The following GOT2 variants were observed in gnomAD, a reference collection of about 807,000 sequenced individuals.
GOT2 encodes the protein glutamic-oxaloacetic transaminase 2, also known as aspartate aminotransferase, mitochondrial.
A neutral mutation model predicts 50.0 loss-of-function variants in GOT2; 17 were observed. The observed-to-expected ratio is 0.34, with a 90% CI of 0.23 to 0.51. GOT2 has a LOEUF of 0.51. GOT2 is among the 20% of genes least tolerant of loss of function. The pLI is 0.97. For synonymous variants in GOT2, 172 were observed against 204.9 expected (o/e 0.84, Z 1.37); for missense variants, 430 against 559.6 (o/e 0.77, Z 2.34).
At chr16:58,720,837 T>C (rs115364946) in intron 3 of GOT2, among the ~76,000 whole-genome samples, 2,542 of 152,162 alleles carry the variant, frequency 0.017, 67 homozygotes, top group African/African-American at 0.053. Flanking sequence ...CCACCCGCCT[T>C]GGTCCCGGAA....
chr16:58,716,555 G>GATGGACAC, intron 7 of GOT2, 108 bp downstream of exon 7: 1 of 833,898 alleles, frequency 1.2e-6, no homozygotes, highest in Non-Finnish European at 1.8e-6. Flanking sequence ...CATGGACATG[G>GATGGACAC]ATGGACACAC....
chr16:58,720,555 C>A (rs1341274620), intron 3 of GOT2, among the ~76,000 whole-genome samples: 2 of 151,180 alleles, frequency 1.3e-5, no homozygotes, highest in Non-Finnish European at 2.9e-5. Flanking sequence ...TCCGATGATA[C>A]TACGATTCAC....
At chr16:58,727,168 C>T (rs2067034851) in intron 1 of GOT2, among the ~76,000 whole-genome samples, 1 of 152,010 alleles carries the variant, frequency 6.6e-6, no homozygotes, top group Non-Finnish European at 1.5e-5. Context: ...AACAAACAAA[C>T]AAAGAGATGG....
chr16:58,718,420 G>C, intron 5 of GOT2, 107 bp downstream of exon 5: 1 of 1,328,906 alleles, frequency 7.5e-7, no homozygotes, highest in Admixed American at 2.0e-5. Flanking sequence ...CTGGGAATCA[G>C]CTCTTCCCCA....
At chr16:58,724,009 A>G in intron 1 of GOT2, 107 bp from the exon 2 acceptor site, 1 of 985,804 alleles carries the variant, frequency 1.0e-6, no homozygotes, top group Non-Finnish European at 1.5e-6. Context: ...GCTGGAGTGC[A>G]GTGGTGCTAT....
chr16:58,733,826 C>T (rs74383391), intron 1 of GOT2: 12,947 of 316,438 alleles, frequency 0.041, 951 homozygotes, highest in East Asian at 0.26. Flanking sequence ...ATCCGCACCC[C>T]TCCCACTGAA....
At chr16:58,731,588 AG>A (rs2044835334) in intron 1 of GOT2, among the ~76,000 whole-genome samples, 1 of 152,246 alleles carries the variant, frequency 6.6e-6, no homozygotes, top group African/African-American at 2.4e-5. Context: ...AAAATACATT[AG>A]CATCTTTTTT....
At chr16:58,715,545 A>G (rs1158856996) in intron 8 of GOT2, among the ~76,000 whole-genome samples, 1 of 152,122 alleles carries the variant, frequency 6.6e-6, no homozygotes, top group East Asian at 1.9e-4. Context: ...CAACCAATCT[A>G]TCTATCTATC....
rs78229603 is a variant in GOT2, at chr16:58,718,777, T to C, written c.436-89A>G. 5,577 of 1,075,340 alleles carry C rather than the reference T, an allele frequency of 5.2e-3. 143 individuals carry two copies. The African/African-American group carries it at 0.054, about 10-fold the overall frequency. The allele number at this position is 1,075,340 out of a possible 1,614,324, so 66.6% of individuals were successfully genotyped here. ...GTTTTATTGAGAGAACATTTTTCTC[T>C]GCTGAAACCCAGTTTCTCTCTATGG... On this transcript the variant is annotated intron_variant, in intron 4 of 9. Coordinates refer to ENST00000245206, the MANE Select transcript of GOT2 (RefSeq NM_002080.4).
intron 8 of GOT2, among the ~76,000 whole-genome samples, chr16:58,712,470 C>T (rs2044656491): frequency 6.6e-6 from 1 of 152,200 alleles, no homozygotes; most frequent in Non-Finnish European, 1.5e-5. Flanking sequence ...GAGATTGTGC[C>T]ACTGCACTCC....
Position 58,710,199 on chromosome 16 carries a change from A to ATTTTCT in GOT2, c.1020-638_1020-633dup, listed in dbSNP as rs562824104. Among the ~76,000 whole-genome samples, 8 of 151,590 alleles carry ATTTTCT rather than the reference A, an allele frequency of 5.3e-5. No homozygotes were observed. The South Asian group carries it at 1.0e-3, about 20-fold the overall frequency. ...AGGTGTGAGCCACCACGCCTGGCCCATTTTCTTTTTCTTTTTCTTTTTTTC... is the reference window on the plus strand; with the variant it reads ...AGGTGTGAGCCACCACGCCTGGCCCATTTTCTTTTTCTTTTTCTTTTTCTTTTTTTC... On this transcript the variant is annotated intron_variant, in intron 8 of 9. Transcript: ENST00000245206.
At chr16:58,720,496 G>A (rs1282368104) in intron 3 of GOT2, among the ~76,000 whole-genome samples, 1 of 151,884 alleles carries the variant, frequency 6.6e-6, no homozygotes, top group Non-Finnish European at 1.5e-5. Context: ...ATTTTAAATA[G>A]TTTGTCCTGC....
At chr16:58,727,882 C>T (rs1398361974) in intron 1 of GOT2, among the ~76,000 whole-genome samples, 2 of 152,214 alleles carry the variant, frequency 1.3e-5, no homozygotes, top group African/African-American at 4.8e-5. Flanking sequence ...CACTCATCCA[C>T]TGTGAATCAG....
intron 1 of GOT2, among the ~76,000 whole-genome samples, chr16:58,727,839 T>C (rs967511732): frequency 6.6e-6 from 1 of 152,162 alleles, no homozygotes; most frequent in East Asian, 1.9e-4. Context: ...CTGGGGGTTG[T>C]TGCAGGAGAA....
intron 9 of GOT2, 184 bp downstream of exon 9, chr16:58,709,233 A>T: frequency 1.8e-6 from 1 of 551,918 alleles, no homozygotes; most frequent in Non-Finnish European, 3.1e-6. Context: ...ACTGCACTCC[A>T]GCCTGGGTTT....
At chr16:58,728,925 G>T (rs1255985861) in intron 1 of GOT2, among the ~76,000 whole-genome samples, 2 of 152,170 alleles carry the variant, frequency 1.3e-5, no homozygotes, top group Admixed American at 6.5e-5. Flanking sequence ...GACCTCAAGT[G>T]ATCTGCCCGC....
At chr16:58,708,764 G>A (rs1463114886) in intron 9 of GOT2, among the ~76,000 whole-genome samples, 1 of 151,898 alleles carries the variant, frequency 6.6e-6, no homozygotes, top group East Asian at 1.9e-4. Context: ...CTTGGGAGAA[G>A]CAACAGTGAT....
At chr16:58,718,014 C>T (rs1244123597) in intron 6 of GOT2, among the ~76,000 whole-genome samples, 182 bp downstream of exon 6, 2 of 152,236 alleles carry the variant, frequency 1.3e-5, no homozygotes, top group Admixed American at 6.5e-5. Context: ...AATACTCATG[C>T]GTCATCAATC....
At chr16:58,726,483 C>CTTTATTTATTTATTTATTTATTTA (rs56257846) in intron 1 of GOT2, among the ~76,000 whole-genome samples, 176 of 144,664 alleles carry the variant, frequency 1.2e-3, no homozygotes, top group African/African-American at 4.2e-3. Flanking sequence ...CCCCGGCCTG[C>CTTTATTTATTTATTTATTTATTTA]TTTATTTATT....
Sources: gnomAD v4.1 joint callset for allele counts (sites outside exome capture counted in the v4.1 genomes callset) on GRCh38, gnomAD v4.1.1 for gene constraint, MANE v1.5 for transcripts, NCBI Gene and HGNC (gene_info 2026-07-23, HGNC 2026-07-21) for gene names.